DPYD: variants seen among roughly 807,000 people sequenced by gnomAD.
The protein encoded by DPYD is dihydropyrimidine dehydrogenase [NADP(+)].
Under a neutral mutation model 116.2 loss-of-function variants are expected in DPYD, and 109 were observed. The observed-to-expected ratio is 0.94, with a 90% CI of 0.80 to 1.10. DPYD has a LOEUF of 1.10. Ranked by LOEUF, DPYD falls within the 50% of genes least tolerant of loss-of-function variation. The pLI is 0.00. For missense variants in DPYD, 1,302 were observed against 1,254.5 expected, an observed-to-expected ratio of 1.04 and a Z score of -0.57; for synonymous variants, 440 against 432.0, an observed-to-expected ratio of 1.02 and a Z score of -0.23.
chr1:97,287,318 A>C (rs1253482598), intron 18 of DPYD, among the ~76,000 whole-genome samples: 1 of 152,022 alleles, frequency 6.6e-6, no homozygotes, highest in Non-Finnish European at 1.5e-5. Flanking sequence ...CGGCTGTGTG[A>C]GCAGTCAGTC....
intron 18 of DPYD, among the ~76,000 whole-genome samples, chr1:97,266,340 G>A (rs1051636905): frequency 4.6e-5 from 7 of 152,114 alleles, no homozygotes; most frequent in Admixed American, 1.3e-4. Flanking sequence ...GAGAAGATAC[G>A]TCTGCACCAT....
chr1:97,323,298 A>T (rs1668432826), intron 16 of DPYD, among the ~76,000 whole-genome samples: 1 of 148,774 alleles, frequency 6.7e-6, no homozygotes, highest in African/African-American at 2.5e-5. Context: ...ACATATGTGT[A>T]TATGTACACG....
At chr1:97,622,576 C>T (rs1396035323) in intron 8 of DPYD, among the ~76,000 whole-genome samples, 1 of 151,894 alleles carries the variant, frequency 6.6e-6, no homozygotes, top group Non-Finnish European at 1.5e-5. Flanking sequence ...AATGTGTGGA[C>T]CTTAGTTAAT....
chr1:97,228,622 T>C (rs1310251690), intron 19 of DPYD, among the ~76,000 whole-genome samples: 1 of 152,232 alleles, frequency 6.6e-6, no homozygotes, highest in Non-Finnish European at 1.5e-5. Context: ...AGGACTTCTA[T>C]TTCTATACTC....
chr1:97,171,668 T>C (rs1363798996), intron 20 of DPYD, among the ~76,000 whole-genome samples: 1 of 152,188 alleles, frequency 6.6e-6, no homozygotes, highest in Non-Finnish European at 1.5e-5. Context: ...AAGATTAAAG[T>C]AGATAACACA....
At chr1:97,738,331 T>A (rs945099541) in intron 4 of DPYD, among the ~76,000 whole-genome samples, 1 of 152,096 alleles carries the variant, frequency 6.6e-6, no homozygotes, top group Non-Finnish European at 1.5e-5. Context: ...AAAAACTGAC[T>A]GAGGGGGGAC....
intron 16 of DPYD, among the ~76,000 whole-genome samples, chr1:97,354,218 C>T (rs1307177913): frequency 6.6e-6 from 1 of 152,106 alleles, no homozygotes; most frequent in Non-Finnish European, 1.5e-5. Flanking sequence ...TGGTCATAGG[C>T]ATAGAGACAG....
At chr1:97,803,194 C>T (rs963211737) in intron 3 of DPYD, among the ~76,000 whole-genome samples, 2 of 151,808 alleles carry the variant, frequency 1.3e-5, no homozygotes, top group African/African-American at 4.8e-5. Context: ...GCCGATTTGA[C>T]GCACCAGTCA....
intron 4 of DPYD, among the ~76,000 whole-genome samples, chr1:97,724,364 GTA>G (rs1422797798): frequency 7.3e-6 from 1 of 137,442 alleles, no homozygotes; most frequent in African/African-American, 2.9e-5. Context: ...GTGTGTGTGT[GTA>G]TGAGATTTAT....
chr1:97,398,546 G>A (rs539756181), intron 14 of DPYD, among the ~76,000 whole-genome samples: 2 of 152,258 alleles, frequency 1.3e-5, no homozygotes, highest in South Asian at 4.2e-4. Flanking sequence ...GGTTGAACTA[G>A]TTTACAGTCC....
chr1:97,719,930 C>T (rs1571244066), intron 5 of DPYD: 1 of 984,968 alleles, frequency 1.0e-6, no homozygotes, highest in African/African-American at 1.7e-5. Context: ...TTAGGTGATA[C>T]TTATGGCAAG....
At chr1:97,799,007 A>G (rs975389715) in intron 3 of DPYD, among the ~76,000 whole-genome samples, 4 of 151,986 alleles carry the variant, frequency 2.6e-5, no homozygotes, top group Non-Finnish European at 5.9e-5. Flanking sequence ...ACCTATAAAA[A>G]GGGGTAGACA....
At chr1:97,598,410 T>C (rs1225652570) in intron 8 of DPYD, among the ~76,000 whole-genome samples, 1 of 152,224 alleles carries the variant, frequency 6.6e-6, no homozygotes, top group Non-Finnish European at 1.5e-5. Context: ...TAAAGATGAA[T>C]TGACAAAGAT....
intron 11 of DPYD, among the ~76,000 whole-genome samples, chr1:97,572,024 G>A (rs1652934130): frequency 6.6e-6 from 1 of 151,708 alleles, no homozygotes; most frequent in African/African-American, 2.4e-5. Context: ...GAAGGCTCCT[G>A]GTAAAGTTAG....
At chr1:97,206,763 G>A (rs9728796) in intron 19 of DPYD, among the ~76,000 whole-genome samples, 2 of 147,244 alleles carry the variant, frequency 1.4e-5, no homozygotes, top group Non-Finnish European at 1.5e-5. Flanking sequence ...ATATGTATGT[G>A]TGTATATGTT....
intron 7 of DPYD, among the ~76,000 whole-genome samples, chr1:97,680,045 T>TA (rs1246670070): frequency 6.6e-6 from 1 of 151,938 alleles, no homozygotes; most frequent in East Asian, 1.9e-4. Flanking sequence ...CAGGGTGAGG[T>TA]AAAAAATGGA....
At chr1:97,444,753 T>C (rs1379268410) in intron 14 of DPYD, among the ~76,000 whole-genome samples, 3 of 152,190 alleles carry the variant, frequency 2.0e-5, no homozygotes, top group Non-Finnish European at 4.4e-5. Flanking sequence ...CCAAACAGAA[T>C]AGAGAGCTAC....
At chr1:97,544,753 A>G (rs1231803827) in intron 12 of DPYD, among the ~76,000 whole-genome samples, 2 of 152,116 alleles carry the variant, frequency 1.3e-5, no homozygotes, top group African/African-American at 4.8e-5. Flanking sequence ...ATATTTAAGC[A>G]TTGTTTATTC....
chr1:97,620,044 A>T lies in DPYD; in HGVS notation c.851-24878T>A, dbSNP rs182838635. ...AAATCTCCCAGTATAAGTGAAAAAAAAAAAAAACATAGGCACTTTGGAATT... is the reference window on the plus strand; with the variant it reads ...AAATCTCCCAGTATAAGTGAAAAAATAAAAAAACATAGGCACTTTGGAATT... On this transcript the variant is annotated intron_variant, in intron 8 of 22. Coordinates refer to ENST00000370192, the MANE Select transcript of DPYD (RefSeq NM_000110.4). Among the ~76,000 whole-genome samples the T allele has an allele frequency of 5.1e-3, 780 of 152,108 alleles. 2 individuals carry two copies. Among genetic ancestry groups the T allele is most frequent in the Admixed American group, 8.2e-3 (125 of 15,254 alleles).
Sources: gnomAD v4.1 joint callset for allele counts (sites outside exome capture counted in the v4.1 genomes callset) on GRCh38, gnomAD v4.1.1 for gene constraint, MANE v1.5 for transcripts, NCBI Gene and HGNC (gene_info 2026-07-23, HGNC 2026-07-21) for gene names.